Variants in MAP2K5 observed in about 807,000 individuals in gnomAD.
MAP2K5 encodes mitogen-activated protein kinase kinase 5, also known as dual specificity mitogen-activated protein kinase kinase 5.
A neutral mutation model predicts 83.1 loss-of-function variants in MAP2K5; 49 were observed. That is an observed-to-expected ratio of 0.59 (90% confidence interval 0.47 to 0.75). The LOEUF is 0.75. Ranked by LOEUF, MAP2K5 falls within the 30% of genes least tolerant of loss-of-function variation. The probability of loss-of-function intolerance (pLI) is 0.00; values close to 1 mark genes in which losing one functional copy is unlikely to be tolerated. For missense variants in MAP2K5, 457 were observed against 557.5 expected (o/e 0.82, Z 1.82); for synonymous variants, 202 against 191.8 (o/e 1.05, Z -0.44).
chr15:67,607,060 T>A (rs553598093), intron 8 of MAP2K5, among the ~76,000 whole-genome samples: 1 of 152,338 alleles, frequency 6.6e-6, no homozygotes, highest in South Asian at 2.1e-4. Context: ...GTGTATCTTG[T>A]AAATTAAGAG....
At chr15:67,723,716 G>A (rs1305197418) in intron 16 of MAP2K5, among the ~76,000 whole-genome samples, 3 of 151,644 alleles carry the variant, frequency 2.0e-5, no homozygotes, top group Admixed American at 6.6e-5. Flanking sequence ...ATGAATTGCT[G>A]GCACTTATAT....
chr15:67,703,857 A>G (rs2088482554), intron 16 of MAP2K5, among the ~76,000 whole-genome samples: 2 of 152,156 alleles, frequency 1.3e-5, no homozygotes, highest in African/African-American at 4.8e-5. Context: ...AGCACTACTC[A>G]TTTAGATATA....
In MAP2K5 at chr15:67,563,231, G is replaced by A; in HGVS notation, c.185-52G>A. The A allele has an allele frequency of 3.8e-6, 6 of 1,582,932 alleles. No individual in the cohort carries two copies. Among genetic ancestry groups the A allele is most frequent in the Non-Finnish European group, 5.1e-6 (6 of 1,167,934 alleles). The stretch of plus-strand genomic sequence containing the variant: ...AAACCGTTTATATTATGTTCCCTTT[G>A]TGCATTAAACAAATGCACACCTTAT... On this transcript the variant is annotated intron_variant, in intron 2 of 21. Transcript: ENST00000178640. This position sits in a 1 kb window ranked among gnomAD's most constrained non-coding sequence, Gnocchi z 4.5.
chr15:67,603,738 AAC>A (rs905335895), intron 8 of MAP2K5, among the ~76,000 whole-genome samples: 2 of 152,214 alleles, frequency 1.3e-5, no homozygotes, highest in African/African-American at 4.8e-5. Context: ...GTCTCTATAA[AAC>A]TAAGTGTTTG....
At position 67,725,904 on chromosome 15, in the gene MAP2K5, G is replaced by A. The variant is rs56019646; in HGVS notation, c.1045-2012G>A. Among the ~76,000 whole-genome samples the A allele has an allele frequency of 9.8e-3, 1,493 of 152,278 alleles. 34 individuals are homozygous for A. The highest frequency in any genetic ancestry group is 0.034 in the African/African-American group (1,412 of 41,544). On this transcript the variant is annotated intron_variant, in intron 16 of 21. Transcript: ENST00000178640. ...CGAACCTGTATTGAAAGGAGGTGGG[G>A]TGGGGACAGAGGATGGGAGAACTGA...
intron 7 of MAP2K5, among the ~76,000 whole-genome samples, chr15:67,597,111 G>T (rs890493724): frequency 5.3e-5 from 8 of 151,372 alleles, no homozygotes; most frequent in African/African-American, 1.9e-4. Flanking sequence ...GGAGCTTGCA[G>T]TGAGCCGAGA....
intron 13 of MAP2K5, among the ~76,000 whole-genome samples, chr15:67,688,154 C>T (rs748658546): frequency 1.1e-4 from 17 of 152,182 alleles, no homozygotes; most frequent in Non-Finnish European, 2.2e-4. Context: ...AGAGCCACAG[C>T]GCAAGAGCAT....
intron 7 of MAP2K5, among the ~76,000 whole-genome samples, chr15:67,593,959 C>T (rs1206016335): frequency 6.6e-6 from 1 of 152,184 alleles, no homozygotes; most frequent in African/African-American, 2.4e-5. Flanking sequence ...TTAATATCAC[C>T]TGTAACATTG....
At chr15:67,612,810 T>G (rs558195895) in intron 8 of MAP2K5, among the ~76,000 whole-genome samples, 1 of 152,354 alleles carries the variant, frequency 6.6e-6, no homozygotes, top group East Asian at 1.9e-4. Context: ...AACTGTTCAA[T>G]TAAAGCACAG....
At chr15:67,761,168 T>C (rs2089942248) in intron 19 of MAP2K5, among the ~76,000 whole-genome samples, 1 of 152,104 alleles carries the variant, frequency 6.6e-6, no homozygotes, top group African/African-American at 2.4e-5. Context: ...CAGATGGCAT[T>C]ATGATTTTCC....
At chr15:67,664,059 T>C (rs2087307596) in intron 12 of MAP2K5, among the ~76,000 whole-genome samples, 1 of 152,128 alleles carries the variant, frequency 6.6e-6, no homozygotes, top group Admixed American at 6.5e-5. Flanking sequence ...ACTTATTTCT[T>C]TCATTTGGAG....
At chr15:67,697,172 G>A (rs1326536614) in intron 15 of MAP2K5, among the ~76,000 whole-genome samples, 7 of 152,046 alleles carry the variant, frequency 4.6e-5, no homozygotes, top group Admixed American at 4.6e-4. Flanking sequence ...TACATAATTA[G>A]AAGTCATTTG....
intron 11 of MAP2K5, 64 bp from the exon 12 acceptor site, chr15:67,658,489 G>T: frequency 1.6e-6 from 2 of 1,252,996 alleles, no homozygotes; most frequent in South Asian, 1.2e-5. Context: ...GAACACACAG[G>T]AGAAGCCCAG....
chr15:67,749,877 A>G lies in MAP2K5; in HGVS notation c.1134+1276A>G, dbSNP rs1330217639. 1.3e-5 allele frequency among the ~76,000 whole-genome samples: 2 copies of G among 152,142 alleles called. No individual in the cohort carries two copies. The highest frequency in any genetic ancestry group is 4.8e-5 in the African/African-American group (2 of 41,422). On this transcript the variant is annotated intron_variant, in intron 19 of 21. Transcript: ENST00000178640. This position sits in a 1 kb window ranked among gnomAD's most constrained non-coding sequence, Gnocchi z 4.6. ...GGTCCCCCTCCAGTTTTGCTTGAGG[A>G]AGTGTCTGGGGAAACTTGCCTACCC...
At chr15:67,803,747 C>G (rs925337848) in intron 21 of MAP2K5, among the ~76,000 whole-genome samples, 2 of 152,210 alleles carry the variant, frequency 1.3e-5, no homozygotes, top group African/African-American at 4.8e-5. Context: ...CTGGGATGGT[C>G]TAGGCTTACA....
chr15:67,619,191 A>G (rs2086123905), intron 8 of MAP2K5, among the ~76,000 whole-genome samples: 1 of 152,136 alleles, frequency 6.6e-6, no homozygotes, highest in African/African-American at 2.4e-5. Flanking sequence ...TACTGCTCAC[A>G]TGTAACCTGA....
intron 7 of MAP2K5, among the ~76,000 whole-genome samples, chr15:67,599,299 A>G (rs2085599923): frequency 6.6e-6 from 1 of 152,190 alleles, no homozygotes; most frequent in Admixed American, 6.5e-5. Flanking sequence ...CCCTAAATAT[A>G]ATAATTAGCT....
Position 67,757,847 on chromosome 15 carries a change from T to C in MAP2K5, c.1134+9246T>C, listed in dbSNP as rs1162449059. On this transcript the variant is annotated intron_variant, in intron 19 of 21. Transcript: ENST00000178640. The surrounding 1 kb of genome is among the most constrained non-coding windows in gnomAD (Gnocchi z 4.9). ...TATAATTAAAGTGTGGCCAAGGTGC[T>C]GGGGAAACACAGAGGAGAGAACTCA... Among the ~76,000 whole-genome samples the C allele has an allele frequency of 6.6e-6, 1 of 152,116 alleles. No homozygotes were observed. Among genetic ancestry groups the C allele is most frequent in the Non-Finnish European group, 1.5e-5 (1 of 68,016 alleles).
At position 67,708,222 on chromosome 15, in the gene MAP2K5, C is replaced by A. The variant is rs2088605226; in HGVS notation, c.1044+4814C>A. ...CCTATAGTCCTTGCTATGTGGCAGG[C>A]TGAGGCAGGAAAATTGCTAGAGCCT... On this transcript the variant is annotated intron_variant, in intron 16 of 21. Coordinates refer to ENST00000178640, the MANE Select transcript of MAP2K5 (RefSeq NM_145160.3). This position sits in a 1 kb window ranked among gnomAD's most constrained non-coding sequence, Gnocchi z 4.9. Among the ~76,000 whole-genome samples the A allele has an allele frequency of 6.6e-6, 1 of 151,634 alleles. No homozygotes were observed. Among genetic ancestry groups the A allele is most frequent in the Non-Finnish European group, 1.5e-5 (1 of 67,958 alleles).
Sources: gnomAD v4.1 joint callset for allele counts (sites outside exome capture counted in the v4.1 genomes callset) on GRCh38, gnomAD v4.1.1 for gene constraint, Gnocchi (gnomAD v3.1) non-coding constraint, MANE v1.5 for transcripts, NCBI Gene and HGNC (gene_info 2026-07-23, HGNC 2026-07-21) for gene names.